The following CNTLN variants were observed in gnomAD, a reference collection of about 807,000 sequenced individuals.
The protein encoded by CNTLN is centlein, also known as centlein, centrosomal protein.
CNTLN carries 212 observed loss-of-function variants against 180.0 expected under a neutral mutation model. The ratio of observed to expected loss-of-function variants is 1.18; its 90% CI spans 1.05 to 1.32. The LOEUF (loss-of-function observed/expected upper bound fraction) is 1.32. Among genes scored for constraint, CNTLN ranks in the 40% most tolerant of loss-of-function variants. CNTLN has a pLI of 0.00. For synonymous variants in CNTLN, 722 were observed against 563.1 expected, an observed-to-expected ratio of 1.28 and a Z score of -3.99; for missense variants, 2,095 against 1,610.9, an observed-to-expected ratio of 1.30 and a Z score of -5.14.
chr9:17,191,534 C>T (rs889644203), intron 2 of CNTLN, among the ~76,000 whole-genome samples: 1 of 152,136 alleles, frequency 6.6e-6, no homozygotes, highest in African/African-American at 2.4e-5. Context: ...ATATGGCATT[C>T]TGGCATGATT....
the CNTLN span, among the ~76,000 whole-genome samples, chr9:17,521,233 T>C: frequency 7.5e-6 from 1 of 132,530 alleles, no homozygotes; most frequent in Non-Finnish European, 1.6e-5. Flanking sequence ...CCCTTGTGGT[T>C]TAGAAAAGCT....
chr9:17,194,586 G>A (rs534742059), intron 2 of CNTLN, among the ~76,000 whole-genome samples: 2 of 152,100 alleles, frequency 1.3e-5, no homozygotes, highest in Non-Finnish European at 2.9e-5. Flanking sequence ...ATCAGTATCA[G>A]CATTTTGATC....
At chr9:17,393,184 A>G (rs988975184) in intron 14 of CNTLN, among the ~76,000 whole-genome samples, 2 of 151,958 alleles carry the variant, frequency 1.3e-5, no homozygotes, top group African/African-American at 4.8e-5. Context: ...TTATAATAGC[A>G]CTAATCCCAT....
chr9:17,356,063 CAA>C (rs71492915), intron 12 of CNTLN, among the ~76,000 whole-genome samples: 22 of 19,600 alleles, frequency 1.1e-3, no homozygotes, highest in Non-Finnish European at 1.4e-3. Context: ...GACTCCATCT[CAA>C]AAAAAAAAAA....
At chr9:17,366,893 A>G (rs1407727806) in intron 13 of CNTLN, among the ~76,000 whole-genome samples, 176 bp downstream of exon 13, 4 of 152,212 alleles carry the variant, frequency 2.6e-5, no homozygotes, top group Non-Finnish European at 5.9e-5. Context: ...TAGAACATCT[A>G]AAAGTCAGCT....
At chr9:17,389,037 G>C (rs12378109) in intron 14 of CNTLN, among the ~76,000 whole-genome samples, 1 of 151,830 alleles carries the variant, frequency 6.6e-6, no homozygotes, top group South Asian at 2.1e-4. Context: ...TTAATACTTA[G>C]ATAAAGCTGA....
At chr9:17,208,303 C>G (rs1332795438) in intron 2 of CNTLN, among the ~76,000 whole-genome samples, 1 of 152,102 alleles carries the variant, frequency 6.6e-6, no homozygotes, top group East Asian at 1.9e-4. Context: ...ACTATTATTG[C>G]TTCCCCAGGA....
intron 24 of CNTLN, among the ~76,000 whole-genome samples, chr9:17,486,444 G>T (rs1832890927): frequency 6.6e-6 from 1 of 152,042 alleles, no homozygotes; most frequent in African/African-American, 2.4e-5. Flanking sequence ...ATAATTGATG[G>T]GTTGAAAATA....
At chr9:17,232,627 C>A (rs1046477496) in intron 3 of CNTLN, among the ~76,000 whole-genome samples, 1 of 151,972 alleles carries the variant, frequency 6.6e-6, no homozygotes, top group Non-Finnish European at 1.5e-5. Context: ...ATTTTACAAA[C>A]AGTTTTAATG....
At chr9:17,484,747 C>A (rs1564144601) in intron 24 of CNTLN, among the ~76,000 whole-genome samples, 1 of 151,994 alleles carries the variant, frequency 6.6e-6, no homozygotes, top group Non-Finnish European at 1.5e-5. Flanking sequence ...CCTATCTCCT[C>A]CATTTTCTTT....
intron 6 of CNTLN, among the ~76,000 whole-genome samples, chr9:17,293,442 C>G (rs1213919841): frequency 6.6e-6 from 1 of 152,222 alleles, no homozygotes; most frequent in African/African-American, 2.4e-5. Context: ...CCAGCGACAT[C>G]AGAGTTCTGT....
chr9:17,328,478 C>G (rs10756868), intron 8 of CNTLN, among the ~76,000 whole-genome samples: 1 of 151,958 alleles, frequency 6.6e-6, no homozygotes, highest in Non-Finnish European at 1.5e-5. Context: ...TGAATTCCCT[C>G]CTTACCACTC....
intron 6 of CNTLN, 24 bp from the exon 7 acceptor site, chr9:17,298,166 C>G: frequency 1.4e-6 from 2 of 1,403,348 alleles, no homozygotes; most frequent in Non-Finnish European, 1.9e-6. Flanking sequence ...ATACTTTTCT[C>G]TATTTATTGC....
In CNTLN at chr9:17,186,212, T is replaced by C. The variant is rs139306945; in HGVS notation, c.450-39991T>C. Among the ~76,000 whole-genome samples, 808 of 152,306 alleles carry C rather than the reference T, an allele frequency of 5.3e-3. 6 individuals carry two copies. The highest frequency in any genetic ancestry group is 0.019 in the African/African-American group (776 of 41,578). On this transcript the variant is annotated intron_variant, in intron 2 of 25. Transcript: ENST00000380647. ...CATGTTCATGCACACTGAGTAGAGA[T>C]GAATTCCTTGAAAAGGGTATTCATC...
chr9:17,500,184 G>A (rs1001290380), intron 25 of CNTLN, among the ~76,000 whole-genome samples: 4 of 152,092 alleles, frequency 2.6e-5, no homozygotes, highest in African/African-American at 9.7e-5. Flanking sequence ...ATAAAACAGG[G>A]TTGGCATACA....
rs149942102 is a variant in CNTLN, at chr9:17,199,773, C to G, written c.450-26430C>G. ...CAGATGACTAGATTGCAAAAATTTT[C>G]TCCCATTTTGTAGGTTGCCTGTTCA... is the stretch of plus-strand genomic sequence containing the variant. On this transcript the variant is annotated intron_variant, in intron 2 of 25. Transcript: ENST00000380647. 1.3e-3 allele frequency among the ~76,000 whole-genome samples: 204 copies of G among 152,072 alleles called. 1 individual carries two copies. The highest frequency in any genetic ancestry group is 4.2e-3 in the African/African-American group (176 of 41,486).
intron 2 of CNTLN, among the ~76,000 whole-genome samples, chr9:17,215,797 C>T (rs1189931641): frequency 1.3e-5 from 2 of 152,170 alleles, no homozygotes; most frequent in Admixed American, 6.5e-5. Flanking sequence ...AGTTCGATCT[C>T]AGACTGCTGT....
chr9:17,386,532 T>G (rs994511836), intron 13 of CNTLN, among the ~76,000 whole-genome samples: 3 of 152,206 alleles, frequency 2.0e-5, no homozygotes, highest in African/African-American at 7.2e-5. Context: ...CCTGGGATCC[T>G]TGAAGAGAAA....
At chr9:17,478,547 T>C (rs550311760) in intron 23 of CNTLN, among the ~76,000 whole-genome samples, 2 of 151,384 alleles carry the variant, frequency 1.3e-5, no homozygotes, top group African/African-American at 4.9e-5. Flanking sequence ...TTTTAAGAGA[T>C]GGCGTCTCAC....
Sources: allele counts gnomAD v4.1 joint callset (sites outside exome capture counted in the v4.1 genomes callset), GRCh38; gene constraint gnomAD v4.1.1; transcripts MANE v1.5; gene names NCBI Gene and HGNC (gene_info 2026-07-23, HGNC 2026-07-21).